Variants in GABRA2 observed in about 807,000 individuals in gnomAD.
GABRA2 encodes the protein gamma-aminobutyric acid type A receptor subunit alpha2.
In GABRA2, 16 loss-of-function variants were observed where a neutral mutation model predicts 48.7. That is an observed-to-expected ratio of 0.33 (90% CI 0.22 to 0.50). GABRA2 has a LOEUF of 0.50. GABRA2 is among the 20% of genes least tolerant of loss of function. GABRA2 has a pLI of 0.98. For missense variants in GABRA2, 275 were observed against 535.6 expected (o/e 0.51, Z 4.80); for synonymous variants, 185 against 184.5 (o/e 1.00, Z -0.02).
chr4:46,266,718 CTTTT>C (rs35380341), intron 8 of GABRA2, among the ~76,000 whole-genome samples: 2 of 92,832 alleles, frequency 2.2e-5, no homozygotes, highest in South Asian at 4.0e-4. Flanking sequence ...CAAATATTCT[CTTTT>C]TTTTTTTTTT....
At chr4:46,377,294 G>A (rs1242528243) in intron 3 of GABRA2, among the ~76,000 whole-genome samples, 1 of 150,316 alleles carries the variant, frequency 6.7e-6, no homozygotes, top group Non-Finnish European at 1.5e-5. Context: ...AGTGAGGAGC[G>A]CCTCTTCCCG....
At position 46,250,347 on chromosome 4, in the gene GABRA2, T is replaced by C. The variant is rs202000925; in HGVS notation, c.1317A>G (p.Thr439=). The C allele has an allele frequency of 1.9e-6, 3 of 1,611,184 alleles. No homozygotes were observed. In the East Asian group the frequency reaches 6.7e-5, roughly 36 times the overall value. Residue 439 remains threonine (T), a synonymous_variant, in exon 10 of 10, where the codon ACA becomes ACG. Transcript: ENST00000381620. ...CTAATACAGGTTCTCTGTTTAAATA[T>C]GTAGCCCAGTAAACTAAATTAAAGG... The part of the protein sequence containing the change: ...FGTFNLVYWA[T]YLNREPVLGV...
At chr4:46,305,822 A>AG in intron 6 of GABRA2, 111 bp from the exon 7 acceptor site, 1 of 738,482 alleles carries the variant, frequency 1.4e-6, no homozygotes, top group Non-Finnish European at 2.1e-6. Context: ...CAATATTAAT[A>AG]GTTAAACATC....
At chr4:46,319,259 T>C (rs1275845942) in intron 4 of GABRA2, among the ~76,000 whole-genome samples, 2 of 151,812 alleles carry the variant, frequency 1.3e-5, no homozygotes, top group Non-Finnish European at 2.9e-5. Context: ...AAGAATCTTA[T>C]CCACTCACTA....
intron 4 of GABRA2, among the ~76,000 whole-genome samples, chr4:46,316,497 C>T (rs1447059127): frequency 6.6e-6 from 1 of 151,958 alleles, no homozygotes; most frequent in Non-Finnish European, 1.5e-5. Flanking sequence ...CTGCCCTAGA[C>T]TAAATCTGTA....
At position 46,245,144 on chromosome 4, in the gene GABRA2, T is replaced by C. The variant is rs1011203064; in HGVS notation, c.*5164A>G. 6.6e-6 allele frequency among the ~76,000 whole-genome samples: 1 copy of C among 151,316 alleles called. No homozygotes were observed. Among genetic ancestry groups the C allele is most frequent in the African/African-American group, 2.4e-5 (1 of 41,364 alleles). On this transcript the variant is annotated 3_prime_UTR_variant, in exon 10 of 10. Transcript: ENST00000381620. ...CAGAGCTTCAAGAATCACACAGTGA[T>C]GATGGCTGCTGTGAGGACTGAATGA...
chr4:46,257,973 C>A (rs1179857727), intron 9 of GABRA2, among the ~76,000 whole-genome samples: 1 of 151,658 alleles, frequency 6.6e-6, no homozygotes, highest in Non-Finnish European at 1.5e-5. Flanking sequence ...GATATAAAAT[C>A]TATTTTATTT....
At chr4:46,280,836 G>A (rs1190886532) in intron 8 of GABRA2, among the ~76,000 whole-genome samples, 3 of 152,132 alleles carry the variant, frequency 2.0e-5, no homozygotes, top group Non-Finnish European at 4.4e-5. Flanking sequence ...GATTAGTGTG[G>A]TTATAAGAAG....
chr4:46,338,486 G>A (rs1236105168), intron 3 of GABRA2, among the ~76,000 whole-genome samples: 1 of 151,796 alleles, frequency 6.6e-6, no homozygotes, highest in African/African-American at 2.4e-5. Context: ...TTAAATAATA[G>A]TGAAAATAAA....
intron 8 of GABRA2, among the ~76,000 whole-genome samples, chr4:46,297,829 G>A (rs947823483): frequency 6.6e-6 from 1 of 151,658 alleles, no homozygotes; most frequent in Non-Finnish European, 1.5e-5. Context: ...CCTTTAGAGT[G>A]TTATTTGAGA....
At chr4:46,287,689 T>G in intron 8 of GABRA2, among the ~76,000 whole-genome samples, 1 of 146,286 alleles carries the variant, frequency 6.8e-6, no homozygotes, top group Non-Finnish European at 1.5e-5. Flanking sequence ...AGATGACGAG[T>G]TAGTGGGTGC....
At chr4:46,284,619 C>G (rs190341043) in intron 8 of GABRA2, among the ~76,000 whole-genome samples, 1 of 152,082 alleles carries the variant, frequency 6.6e-6, no homozygotes, top group Non-Finnish European at 1.5e-5. Flanking sequence ...TAGCTGAAAC[C>G]CAATATAATG....
At chr4:46,339,619 T>C (rs1207507572) in intron 3 of GABRA2, among the ~76,000 whole-genome samples, 2 of 151,924 alleles carry the variant, frequency 1.3e-5, no homozygotes, top group Non-Finnish European at 2.9e-5. Context: ...AGACATGATA[T>C]ATGCTATCAG....
intron 8 of GABRA2, among the ~76,000 whole-genome samples, chr4:46,281,642 C>G (rs558812008): frequency 6.6e-6 from 1 of 152,236 alleles, no homozygotes; most frequent in African/African-American, 2.4e-5. Flanking sequence ...TGTGGCAGAC[C>G]TTGCCAGGAT....
In GABRA2 at chr4:46,389,903, G is replaced by A; in HGVS notation, c.-179C>T. ...CCAAGAGAGCGTGGAGCGATGGGCT[G>A]GTGGAAGCCGGAGAGGAGCGCTAGG... On this transcript the variant is annotated 5_prime_UTR_variant, in exon 1 of 10. Coordinates refer to ENST00000381620, the MANE Select transcript of GABRA2 (RefSeq NM_000807.4). 5.1e-6 allele frequency: 5 copies of A among 986,516 alleles called. No homozygotes were observed. The highest frequency in any genetic ancestry group is 4.8e-6 in the Non-Finnish European group (4 of 831,236). 61.1% of individuals were successfully genotyped at this position (986,516 alleles called of 1,614,324 possible).
chr4:46,319,845 G>A (rs1354697168), intron 4 of GABRA2, among the ~76,000 whole-genome samples: 1 of 151,716 alleles, frequency 6.6e-6, no homozygotes, highest in Admixed American at 6.6e-5. Context: ...ATGATTCATA[G>A]TTATAGTAGA....
At chr4:46,337,119 T>C (rs970495890) in intron 3 of GABRA2, among the ~76,000 whole-genome samples, 2 of 152,080 alleles carry the variant, frequency 1.3e-5, no homozygotes, top group Non-Finnish European at 2.9e-5. Flanking sequence ...AACATCTGCC[T>C]GTGAAAGACC....
chr4:46,369,647 A>G (rs28573915), intron 3 of GABRA2, among the ~76,000 whole-genome samples: 2,039 of 152,174 alleles, frequency 0.013, 50 homozygotes, highest in African/African-American at 0.046. Flanking sequence ...TCATTTGTCT[A>G]TCTATTCAAC....
rs551531922 is a variant in GABRA2 at position 46,291,790 on chromosome 4, T to C, written c.856+11670A>G. Among the ~76,000 whole-genome samples the C allele has an allele frequency of 9.5e-4, 143 of 149,802 alleles. 2 individuals are homozygous for C. The South Asian group carries it at 0.023, about 24-fold the overall frequency. On this transcript the variant is annotated intron_variant, in intron 8 of 9. Coordinates refer to ENST00000381620, the MANE Select transcript of GABRA2 (RefSeq NM_000807.4). ...ATAAACACACACATATATATATATA[T>C]ACATATACATATATATGTGTATATA...
Sources: gnomAD v4.1 joint callset for allele counts (sites outside exome capture counted in the v4.1 genomes callset) on GRCh38, gnomAD v4.1.1 for gene constraint, MANE v1.5 for transcripts, NCBI Gene and HGNC (gene_info 2026-07-23, HGNC 2026-07-21) for gene names.